The following PCOLCE2 variants were observed in gnomAD, a reference collection of about 807,000 sequenced individuals.
The protein encoded by PCOLCE2 is procollagen C-endopeptidase enhancer 2.
Under a neutral mutation model 47.0 loss-of-function variants are expected in PCOLCE2, and 42 were observed. The ratio of observed to expected loss-of-function variants is 0.89; its 90% CI spans 0.70 to 1.16. The LOEUF (loss-of-function observed/expected upper bound fraction) is 1.16, where lower values mean the gene tolerates loss of function less well. Ranked by LOEUF, PCOLCE2 falls within the 50% of genes most tolerant of loss-of-function variation. PCOLCE2 has a pLI of 0.00. For synonymous variants in PCOLCE2, 169 were observed against 191.7 expected, an observed-to-expected ratio of 0.88 and a Z score of 0.98; for missense variants, 500 against 526.1, an observed-to-expected ratio of 0.95 and a Z score of 0.49.
At chr3:142,847,795 C>A (rs1937343221) in intron 3 of PCOLCE2, among the ~76,000 whole-genome samples, 1 of 152,216 alleles carries the variant, frequency 6.6e-6, no homozygotes, top group South Asian at 2.1e-4. Context: ...CCCTTGGTCC[C>A]CCAGTGTTGG....
At chr3:142,840,120 T>G (rs990393266) in intron 4 of PCOLCE2, among the ~76,000 whole-genome samples, 14 of 152,220 alleles carry the variant, frequency 9.2e-5, no homozygotes, top group African/African-American at 3.4e-4. Flanking sequence ...TGGCAGTGTC[T>G]TCTTGAAGTA....
chr3:142,867,019 C>G (rs1933297781), intron 2 of PCOLCE2, among the ~76,000 whole-genome samples: 1 of 152,166 alleles, frequency 6.6e-6, no homozygotes, highest in Non-Finnish European at 1.5e-5. Flanking sequence ...CAGGTAGAAG[C>G]CACATTTGCA....
chr3:142,827,119 T>C, intron 6 of PCOLCE2: 1 of 1,446,698 alleles, frequency 6.9e-7, no homozygotes, highest in Non-Finnish European at 9.7e-7. Context: ...TCCTGCACAG[T>C]CTTGGTTCCC....
At chr3:142,874,332 C>T (rs1933453328) in intron 2 of PCOLCE2, among the ~76,000 whole-genome samples, 1 of 152,174 alleles carries the variant, frequency 6.6e-6, no homozygotes, top group African/African-American at 2.4e-5. Context: ...CCTTGGCCTC[C>T]CAAAGTGTTG....
chr3:142,861,496 T>G (rs962686246), intron 2 of PCOLCE2, among the ~76,000 whole-genome samples: 6 of 152,206 alleles, frequency 3.9e-5, no homozygotes, highest in African/African-American at 1.4e-4. Context: ...TGATACTAAT[T>G]TTTTTATCTC....
chr3:142,848,202 A>T lies in PCOLCE2; in HGVS notation c.448+15T>A. 6.2e-7 allele frequency: 1 copy of T among 1,609,950 alleles called. No homozygotes were observed. Among genetic ancestry groups the T allele is most frequent in the Non-Finnish European group, 8.5e-7 (1 of 1,176,464 alleles). On this transcript the variant is annotated intron_variant, in intron 3 of 8. Coordinates refer to ENST00000295992, the MANE Select transcript of PCOLCE2 (RefSeq NM_013363.4). Reference sequence around the variant, plus strand: ...CAACATTACTGTTGTTATTGCCATTATGTGGAAACAGTACCTCTTTCGTTT... The same window carrying T: ...CAACATTACTGTTGTTATTGCCATTTTGTGGAAACAGTACCTCTTTCGTTT...
chr3:142,827,786 C>G, intron 6 of PCOLCE2: 1 of 606,244 alleles, frequency 1.6e-6, no homozygotes, highest in African/African-American at 1.9e-5. Flanking sequence ...CCGTGTACCC[C>G]TACGCATGGC....
intron 6 of PCOLCE2, among the ~76,000 whole-genome samples, chr3:142,825,904 T>G (rs1017331436): frequency 6.6e-6 from 1 of 152,152 alleles, no homozygotes; most frequent in Non-Finnish European, 1.5e-5. Context: ...AGGCTGGAGT[T>G]CAGCCTACTC....
rs114591652 is a variant in PCOLCE2 at position 142,867,343 on chromosome 3, C to G, written c.193-18871G>C. Among the ~76,000 whole-genome samples, 3 of 152,258 alleles carry G rather than the reference C, an allele frequency of 2.0e-5. No individual in the cohort carries two copies. The South Asian group carries it at 6.2e-4, about 32-fold the overall frequency. On this transcript the variant is annotated intron_variant, in intron 2 of 8. Transcript: ENST00000295992. ...CAAGACAGCCATATCAGAAGAATATCTTTGCAATCTTGGGTAGCAAGAAAG... is the reference window on the plus strand; with the variant it reads ...CAAGACAGCCATATCAGAAGAATATGTTTGCAATCTTGGGTAGCAAGAAAG...
rs573132630 is a variant in PCOLCE2, at chr3:142,840,035, G to A, written c.574-1129C>T. Among the ~76,000 whole-genome samples, 23 of 152,320 alleles carry A rather than the reference G, an allele frequency of 1.5e-4. 1 individual carries two copies. In the South Asian group the frequency reaches 4.8e-3, roughly 32 times the overall value. ...GGATAGAGTTGTTCCCCTTTTGAGG[G>A]AAGGAGACTGACATTTCTATCAGAT... On this transcript the variant is annotated intron_variant, in intron 4 of 8. Transcript: ENST00000295992.
At chr3:142,862,445 C>T (rs1933197819) in intron 2 of PCOLCE2, among the ~76,000 whole-genome samples, 1 of 152,180 alleles carries the variant, frequency 6.6e-6, no homozygotes, top group Admixed American at 6.5e-5. Flanking sequence ...CTCTCATGTA[C>T]TATTAATTCT....
intron 6 of PCOLCE2, chr3:142,827,460 T>C: frequency 1.9e-6 from 3 of 1,544,950 alleles, no homozygotes; most frequent in East Asian, 2.3e-5. Context: ...TTGTGGGAGA[T>C]AGCAGTGGCA....
chr3:142,841,517 C>A (rs1937264048), intron 4 of PCOLCE2, among the ~76,000 whole-genome samples: 1 of 152,102 alleles, frequency 6.6e-6, no homozygotes, highest in Non-Finnish European at 1.5e-5. Context: ...TCAAGAATTA[C>A]ATAATGGTTT....
At chr3:142,852,957 T>C (rs1225639655) in intron 2 of PCOLCE2, among the ~76,000 whole-genome samples, 1 of 151,514 alleles carries the variant, frequency 6.6e-6, no homozygotes, top group East Asian at 1.9e-4. Context: ...ATTTTAAAAA[T>C]TAGCTGGATG....
intron 5 of PCOLCE2, among the ~76,000 whole-genome samples, chr3:142,834,052 C>T (rs186191570): frequency 7.9e-5 from 12 of 152,184 alleles, no homozygotes; most frequent in African/African-American, 2.9e-4. Context: ...TTCAATGAGG[C>T]CATCCTTTTC....
chr3:142,823,377 CA>C (rs1399568692), intron 7 of PCOLCE2, among the ~76,000 whole-genome samples, 154 bp downstream of exon 7: 1 of 152,098 alleles, frequency 6.6e-6, no homozygotes, highest in East Asian at 1.9e-4. Context: ...TGAAATCTAA[CA>C]ATTTGACCAT....
intron 2 of PCOLCE2, among the ~76,000 whole-genome samples, chr3:142,852,213 T>C (rs1355546395): frequency 6.6e-6 from 1 of 152,208 alleles, no homozygotes; most frequent in African/African-American, 2.4e-5. Flanking sequence ...CTTTTCAGTA[T>C]GACACAACAT....
At position 142,844,452 on chromosome 3, in the gene PCOLCE2, G is replaced by A. The variant is rs73864471; in HGVS notation, c.449-1404C>T. On this transcript the variant is annotated intron_variant, in intron 3 of 8. Transcript: ENST00000295992. ...GACTGCAACTGCTGGGCCAAGAGTCGATGTAAATATTTAACTTCATAAAAA... is the reference window on the plus strand; with the variant it reads ...GACTGCAACTGCTGGGCCAAGAGTCAATGTAAATATTTAACTTCATAAAAA... 3.3e-3 allele frequency among the ~76,000 whole-genome samples: 508 copies of A among 152,234 alleles called. 3 individuals are homozygous for A. The highest frequency in any genetic ancestry group is 0.011 in the African/African-American group (476 of 41,542).
chr3:142,819,428 G>A (rs896714007), intron 8 of PCOLCE2, among the ~76,000 whole-genome samples: 1 of 152,180 alleles, frequency 6.6e-6, no homozygotes, highest in Admixed American at 6.5e-5. Context: ...GAGAGCCTGA[G>A]AGTCTGGGCA....
Sources: gnomAD v4.1 joint callset for allele counts (sites outside exome capture counted in the v4.1 genomes callset) on GRCh38, gnomAD v4.1.1 for gene constraint, MANE v1.5 for transcripts, NCBI Gene and HGNC (gene_info 2026-07-23, HGNC 2026-07-21) for gene names.